The following NPAS3 variants were observed in gnomAD, a reference collection of about 807,000 sequenced individuals.
NPAS3 encodes the protein neuronal PAS domain-containing protein 3.
Under a neutral mutation model 73.1 loss-of-function variants are expected in NPAS3, and 14 were observed. The observed-to-expected ratio is 0.19, with a 90% confidence interval of 0.13 to 0.30. NPAS3 has a LOEUF of 0.30. NPAS3 is among the 10% of genes least tolerant of loss of function. The pLI is 1.00. For missense variants in NPAS3, 1,096 were observed against 1,250.0 expected (o/e 0.88, Z 1.86); for synonymous variants, 620 against 541.5 (o/e 1.14, Z -2.01).
chr14:33,477,569 A>G (rs1182271379), intron 4 of NPAS3, among the ~76,000 whole-genome samples: 2 of 152,030 alleles, frequency 1.3e-5, no homozygotes, highest in Non-Finnish European at 2.9e-5. Flanking sequence ...ACAGCCATAT[A>G]AGTAGCCTAT....
intron 1 of NPAS3, among the ~76,000 whole-genome samples, chr14:32,984,596 A>G (rs1197049114): frequency 6.6e-6 from 1 of 152,090 alleles, no homozygotes; most frequent in Admixed American, 6.6e-5. Context: ...TTTCTTTGGT[A>G]TTCACAAAAT....
At chr14:33,801,127 G>A, downstream of NPAS3, 1 of 1,557,076 alleles carries the variant, frequency 6.4e-7, no homozygotes. Flanking sequence ...CCCGTCCTGG[G>A]CCCGGCCAGG....
At chr14:33,275,221 C>T (rs1490891538) in intron 3 of NPAS3, among the ~76,000 whole-genome samples, 3 of 152,100 alleles carry the variant, frequency 2.0e-5, no homozygotes, top group African/African-American at 7.2e-5. Flanking sequence ...TTTTATGTGC[C>T]CACCAGCATG....
chr14:33,106,699 A>C (rs1436240207), intron 2 of NPAS3, among the ~76,000 whole-genome samples: 1 of 152,156 alleles, frequency 6.6e-6, no homozygotes, highest in Non-Finnish European at 1.5e-5. Context: ...TTATTTCCAG[A>C]ACATAATTTG....
At chr14:33,715,180 A>C (rs2060924820) in intron 6 of NPAS3, among the ~76,000 whole-genome samples, 1 of 152,188 alleles carries the variant, frequency 6.6e-6, no homozygotes, top group South Asian at 2.1e-4. Context: ...TTATTGCATT[A>C]GTCACCCTGG....
intron 2 of NPAS3, among the ~76,000 whole-genome samples, chr14:33,164,728 T>A (rs1204089236): frequency 6.6e-6 from 1 of 152,152 alleles, no homozygotes; most frequent in East Asian, 1.9e-4. Context: ...GAGGAAATCA[T>A]GGCCCAGCGA....
rs555572833 is a variant in NPAS3, at chr14:33,760,078, C to T, written c.853-14259C>T. 2.0e-5 allele frequency among the ~76,000 whole-genome samples: 3 copies of T among 152,278 alleles called. No homozygotes were observed. In the South Asian group the frequency reaches 6.2e-4, roughly 32 times the overall value. ...CCACCCCAAGATGTTTTGCCATCCA[C>T]CTGCCCTTCCCATCTCAGTAAGTGG... On this transcript the variant is annotated intron_variant, in intron 7 of 11. Coordinates refer to ENST00000356141, the Ensembl canonical transcript of NPAS3.
At chr14:33,700,354 A>G (rs1451355782) in intron 6 of NPAS3, among the ~76,000 whole-genome samples, 2 of 152,036 alleles carry the variant, frequency 1.3e-5, no homozygotes, top group African/African-American at 2.4e-5. Flanking sequence ...CAGTGCCTCC[A>G]CCCTCCTGTG....
chr14:33,474,568 A>G (rs1476632228), intron 4 of NPAS3, among the ~76,000 whole-genome samples: 1 of 152,176 alleles, frequency 6.6e-6, no homozygotes, highest in Admixed American at 6.5e-5. Flanking sequence ...GCATAAAAAT[A>G]GATTGCTTTT....
At chr14:33,697,945 A>C (rs970835110) in intron 6 of NPAS3, among the ~76,000 whole-genome samples, 4 of 152,252 alleles carry the variant, frequency 2.6e-5, no homozygotes, top group African/African-American at 4.8e-5. Flanking sequence ...GATGAAAAGA[A>C]ATTTCCATTC....
chr14:33,348,082 G>A (rs2044833643), intron 3 of NPAS3, among the ~76,000 whole-genome samples: 1 of 152,122 alleles, frequency 6.6e-6, no homozygotes, highest in Admixed American at 6.5e-5. Context: ...TGTGGAGTAT[G>A]CTCACATGTG....
chr14:33,046,205 T>G (rs2138450877), intron 1 of NPAS3, among the ~76,000 whole-genome samples: 1 of 152,236 alleles, frequency 6.6e-6, no homozygotes, highest in South Asian at 2.1e-4. Flanking sequence ...AAATGGCATG[T>G]TCAAAGGCTT....
At chr14:33,548,822 C>T (rs771440998) in intron 4 of NPAS3, among the ~76,000 whole-genome samples, 51 of 152,282 alleles carry the variant, frequency 3.3e-4, no homozygotes, top group Admixed American at 9.2e-4. Context: ...CAGCTACTGA[C>T]CTCTGACTTC....
intron 4 of NPAS3, among the ~76,000 whole-genome samples, chr14:33,521,513 TA>T (rs35106729): frequency 0.018 from 2,352 of 133,050 alleles, 25 homozygotes; most frequent in Middle Eastern, 0.028. Context: ...TGATCTGCTT[TA>T]AAAAAAAAAA....
At chr14:33,142,031 T>C (rs2044066076) in intron 2 of NPAS3, among the ~76,000 whole-genome samples, 1 of 152,112 alleles carries the variant, frequency 6.6e-6, no homozygotes, top group Non-Finnish European at 1.5e-5. Flanking sequence ...CACTTATTTC[T>C]TTTGCCATTC....
In NPAS3 at chr14:33,126,601, A is replaced by G. The variant is rs1006871481; in HGVS notation, c.140+70607A>G. Among the ~76,000 whole-genome samples, 9 of 152,096 alleles carry G rather than the reference A, an allele frequency of 5.9e-5. No individual in the cohort carries two copies. In the East Asian group the frequency reaches 1.5e-3, roughly 26 times the overall value. Reference sequence around the variant, plus strand: ...TGAACATGGAGAAGTGATGGATGGGAAGGGCTTGGCCAGGATGAAAGGGTT... The same window carrying G: ...TGAACATGGAGAAGTGATGGATGGGGAGGGCTTGGCCAGGATGAAAGGGTT... On this transcript the variant is annotated intron_variant, in intron 2 of 11. Coordinates refer to ENST00000356141, the Ensembl canonical transcript of NPAS3.
exon 5 of NPAS3, chr14:33,560,123 C>T: frequency 2.3e-6 from 2 of 860,060 alleles, no homozygotes; most frequent in East Asian, 2.4e-5. Flanking sequence ...TCCTGCAGTC[C>T]CTGGATGGCT....
At chr14:33,272,647 T>G (rs1275158754) in intron 3 of NPAS3, among the ~76,000 whole-genome samples, 2 of 152,014 alleles carry the variant, frequency 1.3e-5, no homozygotes, top group Admixed American at 1.3e-4. Flanking sequence ...GAACTCCTGA[T>G]CTCAAGTGAT....
At chr14:33,372,656 C>A (rs1026977687) in intron 4 of NPAS3, among the ~76,000 whole-genome samples, 2 of 152,272 alleles carry the variant, frequency 1.3e-5, no homozygotes, top group African/African-American at 2.4e-5. Flanking sequence ...AGCATCTTCT[C>A]CAGGAGAGTT....
Sources: gnomAD v4.1 joint callset for allele counts (sites outside exome capture counted in the v4.1 genomes callset) on GRCh38, gnomAD v4.1.1 for gene constraint, MANE v1.5 for transcripts, NCBI Gene and HGNC (gene_info 2026-07-23, HGNC 2026-07-21) for gene names.